Variants in SGK1 observed in about 807,000 individuals in gnomAD.
The protein encoded by SGK1 is serine/threonine-protein kinase Sgk1.
In SGK1, 26 loss-of-function variants were observed where a neutral mutation model predicts 64.2. The ratio of observed to expected loss-of-function variants is 0.40; its 90% CI spans 0.30 to 0.56. The LOEUF (loss-of-function observed/expected upper bound fraction) is 0.56. Among genes scored for constraint, SGK1 ranks in the 20% least tolerant of loss-of-function variants. The pLI is 0.38. For synonymous variants in SGK1, 265 were observed against 239.7 expected, an observed-to-expected ratio of 1.11 and a Z score of -0.98; for missense variants, 519 against 645.6, an observed-to-expected ratio of 0.80 and a Z score of 2.12.
intron 1 of SGK1, among the ~76,000 whole-genome samples, chr6:134,270,245 T>C (rs79827429): frequency 0.015 from 2,190 of 147,934 alleles, 126 homozygotes; most frequent in African/African-American, 0.05. Context: ...GTCTTTTCTC[T>C]AGTGTTTGTA....
At chr6:134,284,858 G>A (rs536717774) in intron 1 of SGK1, among the ~76,000 whole-genome samples, 1 of 152,282 alleles carries the variant, frequency 6.6e-6, no homozygotes, top group South Asian at 2.1e-4. Context: ...TGTGGCAAAA[G>A]ACATTATTTT....
At chr6:134,220,762 G>A (rs1776077402) in intron 2 of SGK1, among the ~76,000 whole-genome samples, 1 of 152,046 alleles carries the variant, frequency 6.6e-6, no homozygotes. Context: ...ACTCCTCTCG[G>A]GAGAGATATA....
At chr6:134,207,216 A>C in intron 3 of SGK1, 140 bp downstream of exon 3, 1 of 613,436 alleles carries the variant, frequency 1.6e-6, no homozygotes, top group Non-Finnish European at 2.9e-6. Flanking sequence ...ACAGAGCAAG[A>C]CTCTGTCTCA....
intron 1 of SGK1, among the ~76,000 whole-genome samples, chr6:134,272,883 T>G (rs900641336): frequency 1.3e-5 from 2 of 148,380 alleles, no homozygotes; most frequent in African/African-American, 4.9e-5. Flanking sequence ...CTGTGCTTAC[T>G]TCATTTGCAT....
intron 3 of SGK1, among the ~76,000 whole-genome samples, chr6:134,203,051 C>T (rs1775710380): frequency 6.6e-6 from 1 of 152,136 alleles, no homozygotes; most frequent in Non-Finnish European, 1.5e-5. Context: ...CGAGGCCAGC[C>T]TGGCCAACAT....
intron 2 of SGK1, among the ~76,000 whole-genome samples, chr6:134,248,857 C>T (rs1776564617): frequency 6.6e-6 from 1 of 152,122 alleles, no homozygotes; most frequent in Non-Finnish European, 1.5e-5. Flanking sequence ...CAAAGTGCTT[C>T]CTCTCCCTTT....
chr6:134,292,884 A>T (rs1777288211), intron 1 of SGK1, among the ~76,000 whole-genome samples: 1 of 152,352 alleles, frequency 6.6e-6, no homozygotes, highest in African/African-American at 2.4e-5. Context: ...CTTCCCAATG[A>T]TCAAAATGTC....
intron 2 of SGK1, among the ~76,000 whole-genome samples, chr6:134,234,041 T>A (rs1044395479): frequency 2.0e-5 from 3 of 152,244 alleles, no homozygotes; most frequent in African/African-American, 7.2e-5. Flanking sequence ...CAAGCAGTTG[T>A]ATTCAAAACA....
chr6:134,310,894 A>G (rs1777598656), intron 1 of SGK1, among the ~76,000 whole-genome samples: 1 of 152,222 alleles, frequency 6.6e-6, no homozygotes, highest in African/African-American at 2.4e-5. Context: ...AGCCTACTAT[A>G]TATTACTGAA....
At chr6:134,213,830 T>A (rs371847727) in intron 2 of SGK1, among the ~76,000 whole-genome samples, 5 of 151,756 alleles carry the variant, frequency 3.3e-5, no homozygotes, top group East Asian at 1.9e-4. Context: ...CATGGGAGTA[T>A]GATTGAGGAG....
chr6:134,242,422 G>A (rs958640608), intron 2 of SGK1, among the ~76,000 whole-genome samples: 1 of 151,972 alleles, frequency 6.6e-6, no homozygotes, highest in Non-Finnish European at 1.5e-5. Context: ...GGAGGCGGAG[G>A]TTGCAGCGAG....
rs375777416 is a variant in SGK1, at chr6:134,174,520, G to A, written c.428C>T (p.Ala143Val). Residue 143 changes from alanine to valine, a missense_variant, in exon 4 of 14, where the codon GCA (alanine) becomes GTA (valine). Physicochemically the swap from Ala to Val is moderately conservative, Grantham distance 64 (BLOSUM62 0). This residue lies in a region of SGK1 where 241 missense variants were observed against 236.9 expected (regional missense o/e 1.02). Coordinates refer to ENST00000367858, the MANE Select transcript of SGK1 (RefSeq NM_001143676.3). ...FIQKIANNSYACKHPEVQSIL... is the reference protein window; with the variant it reads ...FIQKIANNSYVCKHPEVQSIL... The stretch of plus-strand genomic sequence containing the variant: ...ATCCGGTCAAACTTACTGTTTGCAT[G>A]CATAGGAGTTATTGGCAATCTTCTG... 44 of 1,611,540 alleles carry A rather than the reference G, an allele frequency of 2.7e-5. No individual in the cohort carries two copies. The highest frequency in any genetic ancestry group is 1.0e-4 in the Admixed American group (6 of 60,000).
chr6:134,242,572 C>T (rs1776465684), intron 2 of SGK1, among the ~76,000 whole-genome samples: 1 of 151,598 alleles, frequency 6.6e-6, no homozygotes, highest in African/African-American at 2.4e-5. Context: ...GGAAATTTAC[C>T]CACAGTTGCT....
chr6:134,254,002 T>G (rs551984024), intron 2 of SGK1, among the ~76,000 whole-genome samples: 1 of 152,142 alleles, frequency 6.6e-6, no homozygotes, highest in East Asian at 1.9e-4. Context: ...GAGGGCAAAC[T>G]TAATGAGAAT....
At chr6:134,265,531 A>T (rs1046671990) in intron 1 of SGK1, among the ~76,000 whole-genome samples, 1 of 147,392 alleles carries the variant, frequency 6.8e-6, no homozygotes, top group African/African-American at 2.5e-5. Context: ...ATACATATAT[A>T]TTTTATATAC....
At chr6:134,206,379 ATATATTTTTTTTTTTT>A (rs1201393768) in intron 3 of SGK1, among the ~76,000 whole-genome samples, 5 of 4,578 alleles carry the variant, frequency 1.1e-3, no homozygotes, top group African/African-American at 3.2e-3. Flanking sequence ...ATATATATAT[ATATATTTTTTTTTTTT>A]TTTTTTTTTT....
chr6:134,253,798 G>T (rs1252814994), intron 2 of SGK1, among the ~76,000 whole-genome samples: 4 of 152,088 alleles, frequency 2.6e-5, no homozygotes, highest in Non-Finnish European at 4.4e-5. Flanking sequence ...TCTGTTTGCA[G>T]CACCGTGGCT....
At chr6:134,296,520 C>A (rs1777349863) in intron 1 of SGK1, among the ~76,000 whole-genome samples, 1 of 152,110 alleles carries the variant, frequency 6.6e-6, no homozygotes, top group Non-Finnish European at 1.5e-5. Context: ...CAGGATCTCA[C>A]TTTGTTGCCC....
At chr6:134,274,682 AC>A (rs1776993595) in intron 1 of SGK1, among the ~76,000 whole-genome samples, 1 of 151,772 alleles carries the variant, frequency 6.6e-6, no homozygotes, top group Non-Finnish European at 1.5e-5. Context: ...AAAAAAAAAA[AC>A]CCAAATCTGA....
Sources: allele counts gnomAD v4.1 joint callset (sites outside exome capture counted in the v4.1 genomes callset), GRCh38; gene constraint gnomAD v4.1.1; regional missense constraint gnomAD v4.1.1; transcripts MANE v1.5; gene names NCBI Gene and HGNC (gene_info 2026-07-23, HGNC 2026-07-21).